The following COX19 variants were observed in gnomAD, a reference collection of about 807,000 sequenced individuals.
COX19 encodes cytochrome c oxidase assembly protein COX19.
A neutral mutation model predicts 6.8 loss-of-function variants in COX19; 8 were observed. The observed-to-expected ratio is 1.18, with a 90% CI of 0.69 to 2.12. The LOEUF is 2.12. Among genes scored for constraint, COX19 ranks in the 30% most tolerant of loss-of-function variants. The pLI, the probability that COX19 is intolerant of heterozygous loss-of-function variation, is 0.00. For missense variants in COX19, 131 were observed against 104.6 expected (o/e 1.25, Z -1.10); for synonymous variants, 51 against 38.0 (o/e 1.34, Z -1.26).
rs769130648 is a variant in COX19, at chr7:973,152, T to A, written c.194+29A>T. On this transcript the variant is annotated intron_variant, in intron 2 of 2. Coordinates refer to ENST00000344111, the MANE Select transcript of COX19 (RefSeq NM_001031617.3). Reference sequence around the variant, plus strand: ...AAGTTTTAATTGGAGTAGTGGGAGGTGGAAATCATAACGCTTAGCTGTACT... The same window carrying A: ...AAGTTTTAATTGGAGTAGTGGGAGGAGGAAATCATAACGCTTAGCTGTACT... The A allele has an allele frequency of 2.1e-6, 3 of 1,445,330 alleles. No individual in the cohort carries two copies. The East Asian group carries it at 7.7e-5, about 37-fold the overall frequency. The allele number at this position is 1,445,330 out of a possible 1,614,324, so 89.5% of individuals were successfully genotyped here.
At chr7:974,497 C>A (rs1847677284) in intron 1 of COX19, among the ~76,000 whole-genome samples, 1 of 152,102 alleles carries the variant, frequency 6.6e-6, no homozygotes, top group South Asian at 2.1e-4. Context: ...ATGGAAAAAA[C>A]CCACAACGAG....
chr7:969,444 T>C lies in COX19; in HGVS notation c.207A>G (p.Leu69=), dbSNP rs897158743. The C allele has an allele frequency of 6.8e-6, 11 of 1,606,700 alleles. No homozygotes were observed. Among genetic ancestry groups the C allele is most frequent in the East Asian group, 2.2e-5 (1 of 44,858 alleles). Residue 69 remains leucine (L), a synonymous_variant, in exon 3 of 3, where the codon CTA becomes CTG. Transcript: ENST00000344111. ...LECRMERKLM[L]QEPLEKLGFG... ...ATCCCAGTTTCTCCAATGGTTCTTG[T>C]AGCATCAATTTTCTAAAAGAAAAAG...
intron 2 of COX19, among the ~76,000 whole-genome samples, chr7:972,111 A>T (rs193262190): frequency 6.6e-6 from 1 of 152,280 alleles, no homozygotes; most frequent in Admixed American, 6.5e-5. Flanking sequence ...AGCGCCATGG[A>T]GAAATTCTCA....
chr7:975,265 C>T (rs941887034), intron 1 of COX19, 163 bp downstream of exon 1: 9 of 555,642 alleles, frequency 1.6e-5, no homozygotes, highest in Non-Finnish European at 2.8e-5. Flanking sequence ...GGGTCCATGC[C>T]GCAGCAGTGA....
chr7:971,045 G>A (rs1051180319), intron 2 of COX19, among the ~76,000 whole-genome samples: 1 of 152,136 alleles, frequency 6.6e-6, no homozygotes, highest in African/African-American at 2.4e-5. Flanking sequence ...TACAGGGATG[G>A]CCTCCTTTAC....
chr7:967,990 C>T lies in COX19; in HGVS notation c.*1388G>A, dbSNP rs546556375. On this transcript the variant is annotated 3_prime_UTR_variant, in exon 3 of 3. Coordinates refer to ENST00000344111, the MANE Select transcript of COX19 (RefSeq NM_001031617.3). ...CAACCCTGTGCCTACACAAAATATT[C>T]TAATAAGAAACAAGACTTTCCATCA... 4.6e-5 allele frequency: 7 copies of T among 152,374 alleles called. No homozygotes were observed. The highest frequency in any genetic ancestry group is 2.6e-4 in the Admixed American group (4 of 15,308). The allele number at this position is 152,374 out of a possible 1,614,324, so 9.4% of individuals were successfully genotyped here.
intron 2 of COX19, among the ~76,000 whole-genome samples, chr7:971,305 A>C (rs1239680434): frequency 6.6e-6 from 1 of 152,240 alleles, no homozygotes; most frequent in African/African-American, 2.4e-5. Flanking sequence ...CTCAAGAGAC[A>C]ACTTTAAAAA....
At position 967,406 on chromosome 7, in the gene COX19, A is replaced by G. The variant is rs886712891; in HGVS notation, c.*1972T>C. On this transcript the variant is annotated 3_prime_UTR_variant, in exon 3 of 3. Transcript: ENST00000344111. The stretch of plus-strand genomic sequence containing the variant: ...GTATTTCTAGTTTTTTCCATCTCAG[A>G]ATACAGCTTCAGAATCGTCCACGCA... 2.0e-5 allele frequency: 3 copies of G among 152,238 alleles called. No individual in the cohort carries two copies. Among genetic ancestry groups the G allele is most frequent in the African/African-American group, 7.2e-5 (3 of 41,458 alleles). The allele number at this position is 152,238 out of a possible 1,614,324, so 9.4% of individuals were successfully genotyped here.
intron 2 of COX19, 21 bp downstream of exon 2, chr7:973,160 A>G (rs375832039): frequency 1.8e-5 from 26 of 1,482,080 alleles, no homozygotes; most frequent in Non-Finnish European, 2.0e-5. Flanking sequence ...GGTGGAAATC[A>G]TAACGCTTAG....
At chr7:974,628 A>G (rs978611076) in intron 1 of COX19, among the ~76,000 whole-genome samples, 1 of 152,186 alleles carries the variant, frequency 6.6e-6, no homozygotes, top group Non-Finnish European at 1.5e-5. Context: ...TGGGAAAGAA[A>G]CAGTAATTCA....
rs1166092912 is a variant in COX19, at chr7:964,956, T to C, written c.*4422A>G. Among the ~76,000 whole-genome samples, 2 of 152,196 alleles carry C rather than the reference T, an allele frequency of 1.3e-5. No homozygotes were observed. The highest frequency in any genetic ancestry group is 6.5e-5 in the Admixed American group (1 of 15,286). Reference sequence around the variant, plus strand: ...GACAGATGATGAACTACCCGAAATATCTCGTGAGAAGCTCTGGCAGGAACA... The same window carrying C: ...GACAGATGATGAACTACCCGAAATACCTCGTGAGAAGCTCTGGCAGGAACA... On this transcript the variant is annotated 3_prime_UTR_variant, in exon 3 of 3. Coordinates refer to ENST00000344111, the MANE Select transcript of COX19 (RefSeq NM_001031617.3).
intron 2 of COX19, 57 bp downstream of exon 2, chr7:973,124 A>G: frequency 7.9e-7 from 1 of 1,264,854 alleles, no homozygotes. Flanking sequence ...TTCAGGAAAA[A>G]AAAAGTTTTA....
Position 968,087 on chromosome 7 carries a change from G to C in COX19, c.*1291C>G, listed in dbSNP as rs988127749. The C allele has an allele frequency of 1.3e-5, 2 of 152,318 alleles. No homozygotes were observed. Among genetic ancestry groups the C allele is most frequent in the African/African-American group, 4.8e-5 (2 of 41,478 alleles). The allele number at this position is 152,318 out of a possible 1,614,324, so 9.4% of individuals were successfully genotyped here. On this transcript the variant is annotated 3_prime_UTR_variant, in exon 3 of 3. Coordinates refer to ENST00000344111, the MANE Select transcript of COX19 (RefSeq NM_001031617.3). ...AGAGAGCAGACACGGGACAGTGACA[G>C]CTGCAGCCGAATCAGGTGGTAGAAC... is the stretch of plus-strand genomic sequence containing the variant.
rs1351503970 is a variant in COX19 at position 965,349 on chromosome 7, T to G, written c.*4029A>C. Among the ~76,000 whole-genome samples the G allele has an allele frequency of 6.6e-6, 1 of 152,190 alleles. No homozygotes were observed. The highest frequency in any genetic ancestry group is 1.5e-5 in the Non-Finnish European group (1 of 68,038). ...ATCTTACATAACACTGGGCCAGCGCTGCCAGTCACTTCGCAGAAGGCTCCT... is the reference window on the plus strand; with the variant it reads ...ATCTTACATAACACTGGGCCAGCGCGGCCAGTCACTTCGCAGAAGGCTCCT... On this transcript the variant is annotated 3_prime_UTR_variant, in exon 3 of 3. Coordinates refer to ENST00000344111, the MANE Select transcript of COX19 (RefSeq NM_001031617.3).
intron 2 of COX19, among the ~76,000 whole-genome samples, chr7:971,888 A>C (rs1442617798): frequency 6.6e-6 from 1 of 152,226 alleles, no homozygotes; most frequent in Non-Finnish European, 1.5e-5. Flanking sequence ...TAATAAAAAT[A>C]AAAATAAAAA....
In COX19 at chr7:965,504, G is replaced by A. The variant is rs915421854; in HGVS notation, c.*3874C>T. 2.6e-5 allele frequency among the ~76,000 whole-genome samples: 4 copies of A among 152,194 alleles called. No homozygotes were observed. The highest frequency in any genetic ancestry group is 7.2e-5 in the African/African-American group (3 of 41,440). ...GGTGCGGCCTGTGCGGCTCGCTCCCGGCGGTGGCTGCTGGGTTAAGGGGGC... is the reference window on the plus strand; with the variant it reads ...GGTGCGGCCTGTGCGGCTCGCTCCCAGCGGTGGCTGCTGGGTTAAGGGGGC... On this transcript the variant is annotated 3_prime_UTR_variant, in exon 3 of 3. Transcript: ENST00000344111.
Position 968,563 on chromosome 7 carries a change from T to C in COX19, c.*815A>G, listed in dbSNP as rs977450092. On this transcript the variant is annotated 3_prime_UTR_variant, in exon 3 of 3. Coordinates refer to ENST00000344111, the MANE Select transcript of COX19 (RefSeq NM_001031617.3). ...GCCCCGGCTGGCCTGACGCACTGGG[T>C]GGACATGGGCCGGGTTTCCGTGACC... The C allele has an allele frequency of 1.3e-5, 2 of 152,208 alleles. No individual in the cohort carries two copies. The highest frequency in any genetic ancestry group is 2.9e-5 in the Non-Finnish European group (2 of 68,062). The allele number at this position is 152,208 out of a possible 1,614,324, so 9.4% of individuals were successfully genotyped here.
At position 969,264 on chromosome 7, in the gene COX19, C is replaced by T. The variant is rs998932578; in HGVS notation, c.*114G>A. The T allele has an allele frequency of 3.3e-5, 24 of 724,934 alleles. No homozygotes were observed. Among genetic ancestry groups the T allele is most frequent in the East Asian group, 2.5e-4 (10 of 40,252 alleles). The allele number at this position is 724,934 out of a possible 1,614,324, so 44.9% of individuals were successfully genotyped here. ...CCCCCACAGGGCTGGAGCTTCTATT[C>T]GAAGCCCATTTCTAAGGACACCACA... On this transcript the variant is annotated 3_prime_UTR_variant, in exon 3 of 3. Coordinates refer to ENST00000344111, the MANE Select transcript of COX19 (RefSeq NM_001031617.3).
rs182839337 is a variant in COX19 at position 967,142 on chromosome 7, T to A, written c.*2236A>T. ...AACACAGTGCCCATCTGTGACATTT[T>A]GAAGAGGGAAGCACGAAGTTCTGTC... On this transcript the variant is annotated 3_prime_UTR_variant, in exon 3 of 3. Transcript: ENST00000344111. 7.2e-5 allele frequency: 11 copies of A among 152,340 alleles called. No homozygotes were observed. Among genetic ancestry groups the A allele is most frequent in the Non-Finnish European group, 1.5e-4 (10 of 68,040 alleles). The allele number at this position is 152,340 out of a possible 1,614,324, so 9.4% of individuals were successfully genotyped here. A position where few individuals can be genotyped will look rare whatever the true frequency, so the allele number is the denominator to read the frequency against.
Sources: allele counts gnomAD v4.1 joint callset (sites outside exome capture counted in the v4.1 genomes callset), GRCh38; gene constraint gnomAD v4.1.1; transcripts MANE v1.5; gene names NCBI Gene and HGNC (gene_info 2026-07-23, HGNC 2026-07-21).